Variants in HIVEP1 observed in about 807,000 individuals in gnomAD.
HIVEP1 encodes the protein HIVEP zinc finger 1, also known as zinc finger protein 40.
HIVEP1 carries 36 observed loss-of-function variants against 180.0 expected under a neutral mutation model. That is an observed-to-expected ratio of 0.20 (90% CI 0.15 to 0.26). The LOEUF is 0.26. HIVEP1 is among the 10% of genes least tolerant of loss of function. HIVEP1 has a pLI of 1.00. For missense variants in HIVEP1, 3,143 were observed against 3,268.7 expected (o/e 0.96, Z 0.94); for synonymous variants, 1,239 against 1,239.0 (o/e 1.00, Z 0.00).
chr6:12,084,197 T>C (rs1384403413), intron 2 of HIVEP1, among the ~76,000 whole-genome samples: 1 of 152,130 alleles, frequency 6.6e-6, no homozygotes, highest in Non-Finnish European at 1.5e-5. Context: ...GTTTGGGTAG[T>C]TGTGTGTTTT....
chr6:12,189,450 A>T, the HIVEP1 span, among the ~76,000 whole-genome samples: 1 of 152,180 alleles, frequency 6.6e-6, no homozygotes, highest in African/African-American at 2.4e-5. Flanking sequence ...AAAGGCCAAT[A>T]ATTCAAAGGA....
chr6:12,205,233 A>C, the HIVEP1 span, among the ~76,000 whole-genome samples: 1 of 152,198 alleles, frequency 6.6e-6, no homozygotes, highest in Non-Finnish European at 1.5e-5. Flanking sequence ...GCACTTTGGG[A>C]GGCCAAGGCG....
chr6:12,054,872 C>G (rs535389817), intron 2 of HIVEP1, among the ~76,000 whole-genome samples: 263 of 152,286 alleles, frequency 1.7e-3, no homozygotes, highest in Non-Finnish European at 2.7e-3. Flanking sequence ...TGAAATACTT[C>G]TAAGGAAAAA....
intron 3 of HIVEP1, among the ~76,000 whole-genome samples, chr6:12,093,384 C>G (rs1773600311): frequency 6.6e-6 from 1 of 151,412 alleles, no homozygotes; most frequent in Admixed American, 6.6e-5. Context: ...TACTGTCAAC[C>G]TATTAATTTC....
the HIVEP1 span, among the ~76,000 whole-genome samples, chr6:12,180,626 C>CA: frequency 3.9e-5 from 6 of 152,108 alleles, no homozygotes; most frequent in South Asian, 8.3e-4. Context: ...ATTTCATAAA[C>CA]ACCACGTCAT....
chr6:12,099,057 G>A (rs916733428), intron 3 of HIVEP1, among the ~76,000 whole-genome samples: 1 of 152,164 alleles, frequency 6.6e-6, no homozygotes, highest in Non-Finnish European at 1.5e-5. Flanking sequence ...GAAAACAAAT[G>A]TATGTAGTAA....
upstream of HIVEP1, among the ~76,000 whole-genome samples, chr6:12,011,431 A>T (rs1574343): frequency 0.14 from 21,643 of 149,658 alleles, 1,619 homozygotes; most frequent in Admixed American, 0.19. Context: ...TTCCCGGACC[A>T]ACCGCCCCCA....
chr6:12,207,617 G>A, the HIVEP1 span, among the ~76,000 whole-genome samples: 15 of 152,104 alleles, frequency 9.9e-5, no homozygotes, highest in Admixed American at 3.9e-4. Flanking sequence ...AATTAATCTA[G>A]ATTTGGCGGG....
At chr6:12,115,725 A>G (rs1404905884) in intron 3 of HIVEP1, among the ~76,000 whole-genome samples, 2 of 152,092 alleles carry the variant, frequency 1.3e-5, no homozygotes, top group African/African-American at 2.4e-5. Context: ...TTGTGTTTCA[A>G]TGCTGGTGTA....
intron 2 of HIVEP1, among the ~76,000 whole-genome samples, chr6:12,072,944 A>G (rs2113790258): frequency 6.6e-6 from 1 of 151,884 alleles, no homozygotes; most frequent in East Asian, 1.9e-4. Context: ...TGTCTTGTGT[A>G]GTTCTTATTC....
intron 3 of HIVEP1, among the ~76,000 whole-genome samples, chr6:12,119,396 A>G (rs1291426639): frequency 6.6e-6 from 1 of 152,218 alleles, no homozygotes; most frequent in Non-Finnish European, 1.5e-5. Context: ...CAAGAAGTCT[A>G]TTCTGTGCAG....
chr6:12,052,759 C>A (rs1484170400), intron 2 of HIVEP1, among the ~76,000 whole-genome samples: 2 of 152,124 alleles, frequency 1.3e-5, no homozygotes, highest in Admixed American at 1.3e-4. Flanking sequence ...ACCTTGTTAC[C>A]ACAATTTACT....
At chr6:12,181,366 T>TA in the HIVEP1 span, among the ~76,000 whole-genome samples, 3 of 151,260 alleles carry the variant, frequency 2.0e-5, no homozygotes, top group African/African-American at 4.8e-5. Flanking sequence ...TCTCAAAAAA[T>TA]AAAAAATAAT....
At chr6:12,105,226 C>T (rs1380592680) in intron 3 of HIVEP1, among the ~76,000 whole-genome samples, 1 of 152,192 alleles carries the variant, frequency 6.6e-6, no homozygotes, top group Non-Finnish European at 1.5e-5. Context: ...ATGCAATTTT[C>T]CCTTATTCCT....
At chr6:12,067,656 C>T (rs1771687584) in intron 2 of HIVEP1, among the ~76,000 whole-genome samples, 1 of 152,134 alleles carries the variant, frequency 6.6e-6, no homozygotes, top group African/African-American at 2.4e-5. Flanking sequence ...GTGTCCAGCT[C>T]TGTGCTGAGG....
intron 2 of HIVEP1, among the ~76,000 whole-genome samples, chr6:12,026,412 G>T (rs1768590185): frequency 6.6e-6 from 1 of 152,192 alleles, no homozygotes; most frequent in African/African-American, 2.4e-5. Flanking sequence ...TATTGGCAGA[G>T]AAAGTAAGTT....
intron 7 of HIVEP1, among the ~76,000 whole-genome samples, chr6:12,146,046 A>G (rs1280772780): frequency 6.6e-6 from 1 of 152,250 alleles, no homozygotes; most frequent in African/African-American, 2.4e-5. Flanking sequence ...GATCTCTGAC[A>G]GGAGAAATGG....
the HIVEP1 span, among the ~76,000 whole-genome samples, chr6:12,174,306 AAAATAATTTCT>A: frequency 1.3e-5 from 2 of 152,240 alleles, no homozygotes; most frequent in Non-Finnish European, 2.9e-5. Flanking sequence ...TATGAGGAGA[AAAATAATTTCT>A]AAAATTTATT....
the HIVEP1 span, among the ~76,000 whole-genome samples, chr6:12,181,285 G>A: frequency 0.22 from 32,788 of 151,862 alleles, 4,375 homozygotes; most frequent in Non-Finnish European, 0.29. Context: ...GCATGAAACC[G>A]GGAGGCAGAG....
Sources: gnomAD v4.1 joint callset for allele counts (sites outside exome capture counted in the v4.1 genomes callset) on GRCh38, gnomAD v4.1.1 for gene constraint, MANE v1.5 for transcripts, NCBI Gene and HGNC (gene_info 2026-07-23, HGNC 2026-07-21) for gene names.